Variants in LIMS2 observed in about 807,000 individuals in gnomAD.
LIMS2 encodes LIM and senescent cell antigen-like-containing domain protein 2.
In LIMS2, 30 loss-of-function variants were observed where a neutral mutation model predicts 45.3. The ratio of observed to expected loss-of-function variants is 0.66; its 90% CI spans 0.50 to 0.90. The LOEUF is 0.90. LIMS2 is among the 40% of genes least tolerant of loss of function. The pLI, the probability that LIMS2 is intolerant of heterozygous loss-of-function variation, is 0.00. For missense variants in LIMS2, 485 were observed against 468.7 expected, an observed-to-expected ratio of 1.03 and a Z score of -0.32; for synonymous variants, 173 against 188.0, an observed-to-expected ratio of 0.92 and a Z score of 0.65.
At chr2:127,655,143 G>A (rs1008825469) in intron 2 of LIMS2, 6 of 591,578 alleles carry the variant, frequency 1.0e-5, no homozygotes, top group Non-Finnish European at 1.5e-5. Flanking sequence ...CTGTCAAAGG[G>A]CCACTGGTGT....
chr2:127,641,253 A>T, intron 6 of LIMS2: 1 of 401,958 alleles, frequency 2.5e-6, no homozygotes. Flanking sequence ...TAAGGCACTG[A>T]TGGTAACCTT....
chr2:127,653,747 C>T lies in LIMS2; in HGVS notation c.359+677G>A, dbSNP rs1226720037. Among the ~76,000 whole-genome samples the T allele has an allele frequency of 6.6e-6, 1 of 152,004 alleles. No homozygotes were observed. The highest frequency in any genetic ancestry group is 6.5e-5 in the Admixed American group (1 of 15,270). On this transcript the variant is annotated intron_variant, in intron 4 of 9. Transcript: ENST00000355119. This position sits in a 1 kb window ranked among gnomAD's most constrained non-coding sequence, Gnocchi z 5.3. ...GGTGTGGGTCCCTGGGCAGATGAGG[C>T]CAGGGTAGCACACGCGAGGGGCAGC... is the stretch of plus-strand genomic sequence containing the variant.
At chr2:127,680,232 C>T (rs542837295), upstream of LIMS2, among the ~76,000 whole-genome samples, 1 of 152,206 alleles carries the variant, frequency 6.6e-6, no homozygotes, top group Non-Finnish European at 1.5e-5. Context: ...AGCAGGACAC[C>T]GCCCCTGGCA....
intron 1 of LIMS2, among the ~76,000 whole-genome samples, chr2:127,670,835 C>T (rs1685239044): frequency 6.6e-6 from 1 of 152,220 alleles, no homozygotes; most frequent in African/African-American, 2.4e-5. Flanking sequence ...GCCAGCTCCC[C>T]CACCAGACTC....
intron 1 of LIMS2, among the ~76,000 whole-genome samples, chr2:127,661,527 G>C (rs1684658986): frequency 6.6e-6 from 1 of 152,170 alleles, no homozygotes; most frequent in African/African-American, 2.4e-5. Context: ...ATTCCTTCAA[G>C]ATAGAGAGCA....
chr2:127,664,250 C>T lies in LIMS2; in HGVS notation c.12-6688G>A. On this transcript the variant is annotated intron_variant, in intron 1 of 9. Transcript: ENST00000355119. The surrounding 1 kb of genome is among the most constrained non-coding windows in gnomAD (Gnocchi z 5.5). ...GGTTTCCGAGGGAAGGCCTGCCCTGCCGCCGCAGCTTTCCGGCCATTGTCC... is the reference window on the plus strand; with the variant it reads ...GGTTTCCGAGGGAAGGCCTGCCCTGTCGCCGCAGCTTTCCGGCCATTGTCC... The T allele has an allele frequency of 8.2e-7, 1 of 1,212,174 alleles. No homozygotes were observed. The highest frequency in any genetic ancestry group is 1.0e-6 in the Non-Finnish European group (1 of 973,474). The allele number at this position is 1,212,174 out of a possible 1,614,324, so 75.1% of individuals were successfully genotyped here.
At chr2:127,681,704 A>G (rs1461297945) in exon 1 of LIMS2, 4 of 152,070 alleles carry the variant, frequency 2.6e-5, no homozygotes, top group African/African-American at 7.2e-5. Context: ...GGCAGCCCCA[A>G]AATGAGCATT....
chr2:127,662,156 T>C (rs1684711873), intron 1 of LIMS2, among the ~76,000 whole-genome samples: 1 of 152,136 alleles, frequency 6.6e-6, no homozygotes, highest in South Asian at 2.1e-4. Flanking sequence ...CGACGCCCCC[T>C]GTCTGTGTGA....
chr2:127,678,475 G>A (rs114914399), upstream of LIMS2, among the ~76,000 whole-genome samples: 980 of 152,316 alleles, frequency 6.4e-3, 16 homozygotes, highest in African/African-American at 0.023. The surrounding 1 kb of genome is among the most constrained non-coding windows in gnomAD (Gnocchi z 5.3). Context: ...CTGTGTGAGG[G>A]ACAGAGTGGT....
chr2:127,642,999 G>C lies in LIMS2; in HGVS notation c.433C>G (p.Leu145Val), dbSNP rs746614706. The C allele has an allele frequency of 1.8e-5, 29 of 1,578,892 alleles. No homozygotes were observed. Among genetic ancestry groups the C allele is most frequent in the Non-Finnish European group, 2.3e-5 (27 of 1,162,580 alleles). Residue 145 changes from leucine (L) to valine (V), a missense_variant, in exon 5 of 10, where the codon CTG (leucine) becomes GTG (valine). Coordinates refer to ENST00000355119, the MANE Select transcript of LIMS2 (RefSeq NM_001161403.3). This position sits in a 1 kb window ranked among gnomAD's most constrained non-coding sequence, Gnocchi z 5.3. ...LGKYICQRCHLVIDEQPLMFR... is the reference protein window; with the variant it reads ...LGKYICQRCHVVIDEQPLMFR... ...ATGAGGGGCTGCTCGTCGATGACCA[G>C]GTGGCACCGCTGGCAGATGTACTTG...
Position 127,657,582 on chromosome 2 carries a change from G to C in LIMS2, c.12-20C>G, listed in dbSNP as rs1558891444. On this transcript the variant is annotated intron_variant, in intron 1 of 9. Transcript: ENST00000355119. Reference sequence around the variant, plus strand: ...ATATTGCTGGGGGCAGGAGACAGGAGGAGTGAGTCAGAGCTGGTCAGGGGT... The same window carrying C: ...ATATTGCTGGGGGCAGGAGACAGGACGAGTGAGTCAGAGCTGGTCAGGGGT... The C allele has an allele frequency of 6.3e-7, 1 of 1,582,690 alleles. No homozygotes were observed. The highest frequency in any genetic ancestry group is 8.6e-7 in the Non-Finnish European group (1 of 1,163,632).
intron 1 of LIMS2, among the ~76,000 whole-genome samples, chr2:127,661,901 C>T (rs1285531678): frequency 6.6e-6 from 1 of 152,196 alleles, no homozygotes; most frequent in African/African-American, 2.4e-5. Context: ...CTCCCATCTC[C>T]TCTTGGCATC....
chr2:127,649,165 TAGGAAGGAAGGAAGGAAGGA>T (rs376330379), intron 4 of LIMS2, among the ~76,000 whole-genome samples: 47 of 134,236 alleles, frequency 3.5e-4, no homozygotes, highest in African/African-American at 1.0e-3. Flanking sequence ...GAGAGGAAGG[TAGGAAGGAAGGAAGGAAGGA>T]AGGAAGGAAG....
At position 127,661,171 on chromosome 2, in the gene LIMS2, C is replaced by G. The variant is rs549826018; in HGVS notation, c.12-3609G>C. Among the ~76,000 whole-genome samples the G allele has an allele frequency of 2.0e-5, 3 of 152,118 alleles. No homozygotes were observed. In the South Asian group the frequency reaches 6.2e-4, roughly 31 times the overall value. The stretch of plus-strand genomic sequence containing the variant: ...CAGAGAGGCCGGCAGAGGCCTGGGC[C>G]CAGCCGCTCAGCTCTACACGTGATA... On this transcript the variant is annotated intron_variant, in intron 1 of 9. Transcript: ENST00000355119.
intron 1 of LIMS2, chr2:127,674,622 G>T: frequency 1.0e-6 from 1 of 985,076 alleles, no homozygotes; most frequent in South Asian, 4.7e-5. Context: ...GACACTCACC[G>T]GGATCGGGGA....
At chr2:127,641,077 A>G in intron 6 of LIMS2, 89 bp from the exon 7 acceptor site, 3 of 1,023,098 alleles carry the variant, frequency 2.9e-6, no homozygotes, top group Non-Finnish European at 1.5e-6. Flanking sequence ...CAGTGACCCC[A>G]GGAGCCAGTG....
intron 1 of LIMS2, among the ~76,000 whole-genome samples, chr2:127,659,037 T>C (rs1197711476): frequency 1.3e-5 from 2 of 151,178 alleles, no homozygotes; most frequent in African/African-American, 4.9e-5. Context: ...AGAGGGGCCT[T>C]AGGATGAGTC....
chr2:127,664,646 G>A lies in LIMS2; in HGVS notation c.12-7084C>T. 9.3e-7 allele frequency: 1 copy of A among 1,080,228 alleles called. No individual in the cohort carries two copies. Among genetic ancestry groups the A allele is most frequent in the Non-Finnish European group, 1.1e-6 (1 of 890,374 alleles). The allele number at this position is 1,080,228 out of a possible 1,614,324, so 66.9% of individuals were successfully genotyped here. The stretch of plus-strand genomic sequence containing the variant: ...GAAAGCTGAGGCTGGCGGGGGTTGG[G>A]TCCCGCTGGGAGGGGACTGGTCTGG... On this transcript the variant is annotated intron_variant, in intron 1 of 9. Transcript: ENST00000355119. The surrounding 1 kb of genome is among the most constrained non-coding windows in gnomAD (Gnocchi z 5.5).
At chr2:127,657,646 A>T in intron 1 of LIMS2, 84 bp from the exon 2 acceptor site, 1 of 1,372,602 alleles carries the variant, frequency 7.3e-7, no homozygotes, top group South Asian at 1.4e-5. Context: ...CCCGACAGAC[A>T]CACCTCGTAT....
Sources: gnomAD v4.1 joint callset for allele counts (sites outside exome capture counted in the v4.1 genomes callset) on GRCh38, gnomAD v4.1.1 for gene constraint, Gnocchi (gnomAD v3.1) non-coding constraint, MANE v1.5 for transcripts, NCBI Gene and HGNC (gene_info 2026-07-23, HGNC 2026-07-21) for gene names.